ADAMTS19: variants seen among roughly 807,000 people sequenced by gnomAD.
ADAMTS19 encodes the protein ADAM metallopeptidase with thrombospondin type 1 motif 19, also known as A disintegrin and metalloproteinase with thrombospondin motifs 19.
Under a neutral mutation model 153.3 loss-of-function variants are expected in ADAMTS19, and 93 were observed. That is an observed-to-expected ratio of 0.61 (90% CI 0.51 to 0.72). ADAMTS19 has a LOEUF of 0.72. Among genes scored for constraint, ADAMTS19 ranks in the 30% least tolerant of loss-of-function variants. ADAMTS19 has a pLI of 0.00. For synonymous variants in ADAMTS19, 600 were observed against 556.6 expected (o/e 1.08, Z -1.10); for missense variants, 1,482 against 1,552.1 (o/e 0.95, Z 0.76).
intron 8 of ADAMTS19, among the ~76,000 whole-genome samples, chr5:129,604,417 A>G (rs1750798355): frequency 6.6e-6 from 1 of 152,132 alleles, no homozygotes; most frequent in Non-Finnish European, 1.5e-5. Flanking sequence ...CAGTCTCTCT[A>G]TTAAGCATTT....
intron 2 of ADAMTS19, among the ~76,000 whole-genome samples, chr5:129,477,179 G>A (rs1750253768): frequency 6.6e-6 from 1 of 152,234 alleles, no homozygotes; most frequent in East Asian, 1.9e-4. Flanking sequence ...TGAGCTTTAA[G>A]GGATAAAATG....
At chr5:129,585,407 C>T (rs930308430) in intron 7 of ADAMTS19, among the ~76,000 whole-genome samples, 2 of 151,962 alleles carry the variant, frequency 1.3e-5, no homozygotes, top group African/African-American at 4.8e-5. Context: ...TCCCTAAGGA[C>T]AGTTTTCATT....
chr5:129,467,913 A>G (rs1035257557), intron 2 of ADAMTS19, among the ~76,000 whole-genome samples: 1 of 152,240 alleles, frequency 6.6e-6, no homozygotes, highest in African/African-American at 2.4e-5. Context: ...ACAAATATAT[A>G]TACATGTATA....
chr5:129,563,632 G>C (rs1421914100), intron 7 of ADAMTS19, among the ~76,000 whole-genome samples: 1 of 152,096 alleles, frequency 6.6e-6, no homozygotes, highest in African/African-American at 2.4e-5. Context: ...CCTTCAATGG[G>C]TAAACTTTTA....
intron 8 of ADAMTS19, among the ~76,000 whole-genome samples, chr5:129,612,335 T>G (rs999622978): frequency 6.6e-6 from 1 of 151,976 alleles, no homozygotes; most frequent in Non-Finnish European, 1.5e-5. Context: ...TAGTATTCCA[T>G]GGTGTATATG....
At chr5:129,695,887 G>A (rs1040710714) in intron 19 of ADAMTS19, among the ~76,000 whole-genome samples, 1 of 152,080 alleles carries the variant, frequency 6.6e-6, no homozygotes, top group Non-Finnish European at 1.5e-5. Context: ...ATGGCTTCAT[G>A]GTGAATTAAC....
At chr5:129,523,645 G>A (rs1561550245) in intron 3 of ADAMTS19, among the ~76,000 whole-genome samples, 1 of 152,132 alleles carries the variant, frequency 6.6e-6, no homozygotes. Context: ...TGTGCATACA[G>A]GAAATTGCAG....
At chr5:129,662,888 A>ATTTT (rs3049499) in intron 15 of ADAMTS19, among the ~76,000 whole-genome samples, 54 of 92,898 alleles carry the variant, frequency 5.8e-4, no homozygotes, top group African/African-American at 1.0e-3. Context: ...ATTCTTCTTC[A>ATTTT]TTTTTTTTTT....
intron 14 of ADAMTS19, among the ~76,000 whole-genome samples, chr5:129,657,011 A>T (rs917465117): frequency 1.3e-5 from 2 of 151,974 alleles, no homozygotes; most frequent in Non-Finnish European, 2.9e-5. Flanking sequence ...TCAATCCAGG[A>T]CTCCCAGGTC....
chr5:129,622,616 C>T (rs17673303), intron 10 of ADAMTS19, among the ~76,000 whole-genome samples: 13,111 of 152,100 alleles, frequency 0.086, 638 homozygotes, highest in African/African-American at 0.1. Flanking sequence ...ATTTTTATTA[C>T]GTCAGTTCAA....
chr5:129,626,820 A>C (rs1752072435), intron 10 of ADAMTS19, among the ~76,000 whole-genome samples: 1 of 152,122 alleles, frequency 6.6e-6, no homozygotes, highest in East Asian at 1.9e-4. Flanking sequence ...CATATCTAAT[A>C]TGTTAGTTGA....
At chr5:129,585,039 G>A (rs1259358879) in intron 7 of ADAMTS19, among the ~76,000 whole-genome samples, 2 of 152,098 alleles carry the variant, frequency 1.3e-5, no homozygotes, top group African/African-American at 2.4e-5. Flanking sequence ...GGCACCTGTG[G>A]GCAACTCCTG....
At chr5:129,618,139 A>G (rs1751614110) in intron 8 of ADAMTS19, among the ~76,000 whole-genome samples, 1 of 152,064 alleles carries the variant, frequency 6.6e-6, no homozygotes, top group Non-Finnish European at 1.5e-5. Flanking sequence ...ATCACTTTCT[A>G]CCTTCAACAT....
intron 7 of ADAMTS19, among the ~76,000 whole-genome samples, chr5:129,583,581 C>A (rs147140007): frequency 6.6e-6 from 1 of 152,014 alleles, no homozygotes; most frequent in Non-Finnish European, 1.5e-5. Context: ...TCACATAGTG[C>A]CGTATTTCTT....
chr5:129,638,219 A>G (rs1752618521), intron 10 of ADAMTS19, among the ~76,000 whole-genome samples: 1 of 152,190 alleles, frequency 6.6e-6, no homozygotes, highest in Admixed American at 6.5e-5. Flanking sequence ...GTCTCTGGAC[A>G]GGTGTATTTT....
chr5:129,627,512 C>A (rs958891266), intron 10 of ADAMTS19, among the ~76,000 whole-genome samples: 2 of 151,840 alleles, frequency 1.3e-5, no homozygotes, highest in African/African-American at 2.4e-5. Context: ...CAAATGGGAC[C>A]TAATTAAACT....
intron 7 of ADAMTS19, among the ~76,000 whole-genome samples, chr5:129,578,939 T>G (rs142074930): frequency 6.6e-6 from 1 of 152,150 alleles, no homozygotes. Flanking sequence ...TGATTTATAA[T>G]CCTTTGGGTA....
intron 15 of ADAMTS19, among the ~76,000 whole-genome samples, chr5:129,664,794 C>T (rs1463891674): frequency 2.0e-5 from 3 of 152,078 alleles, no homozygotes; most frequent in African/African-American, 7.2e-5. Context: ...AAACTTGAGT[C>T]TGTATTTTTC....
intron 7 of ADAMTS19, among the ~76,000 whole-genome samples, chr5:129,572,485 T>G (rs1284217889): frequency 6.6e-6 from 1 of 152,030 alleles, no homozygotes; most frequent in East Asian, 1.9e-4. Flanking sequence ...TTATATCTGA[T>G]CTATTCATAA....
Sources: gnomAD v4.1 joint callset for allele counts (sites outside exome capture counted in the v4.1 genomes callset) on GRCh38, gnomAD v4.1.1 for gene constraint, MANE v1.5 for transcripts, NCBI Gene and HGNC (gene_info 2026-07-23, HGNC 2026-07-21) for gene names.